DYNC2I2: variants seen among roughly 807,000 people sequenced by gnomAD.
The protein encoded by DYNC2I2 is dynein 2 intermediate chain 2.
Under a neutral mutation model 52.0 loss-of-function variants are expected in DYNC2I2, and 39 were observed. That is an observed-to-expected ratio of 0.75 (90% confidence interval 0.58 to 0.98). The LOEUF (loss-of-function observed/expected upper bound fraction) is 0.98. Among genes scored for constraint, DYNC2I2 ranks in the 50% least tolerant of loss-of-function variants. The pLI is 0.00. For synonymous variants in DYNC2I2, 359 were observed against 321.1 expected (o/e 1.12, Z -1.26); for missense variants, 743 against 728.4 (o/e 1.02, Z -0.23).
the DYNC2I2 span, among the ~76,000 whole-genome samples, chr9:128,665,719 G>A: frequency 4.1e-5 from 6 of 145,540 alleles, no homozygotes; most frequent in South Asian, 6.5e-4. Flanking sequence ...GCAGTGAGCC[G>A]AGATTGCACC....
At chr9:128,635,850 ACAGGGCCAGGGC>A in intron 4 of DYNC2I2, 83 bp from the exon 5 acceptor site, 1 of 1,340,718 alleles carries the variant, frequency 7.5e-7, no homozygotes, top group Non-Finnish European at 1.0e-6. Context: ...CAGCCCACCT[ACAGGGCCAGGGC>A]CAGGGCCAGG....
At chr9:128,641,710 T>C (rs945527824) in intron 1 of DYNC2I2, among the ~76,000 whole-genome samples, 7 of 151,942 alleles carry the variant, frequency 4.6e-5, no homozygotes, top group African/African-American at 1.7e-4. Flanking sequence ...ACTGCCACAC[T>C]CCCTCCTTCC....
rs1276931237 is a variant in DYNC2I2 at position 128,635,365 on chromosome 9, G to C, written c.814-106C>G. ...CTTCCAGGAAAAAAAAAAATTCTCC[G>C]GGAGGCCCCAGAACCAGGCTCACCC... On this transcript the variant is annotated intron_variant, in intron 5 of 8. Transcript: ENST00000372715. 7.2e-6 allele frequency: 10 copies of C among 1,381,382 alleles called. No homozygotes were observed. In the South Asian group the frequency reaches 1.2e-4, roughly 16 times the overall value. 85.6% of individuals were successfully genotyped at this position (1,381,382 alleles called of 1,614,324 possible). A position where few individuals can be genotyped will look rare whatever the true frequency, so the allele number is the denominator to read the frequency against.
At chr9:128,661,323 AC>A (rs1361624591), upstream of DYNC2I2, among the ~76,000 whole-genome samples, 14 of 148,456 alleles carry the variant, frequency 9.4e-5, no homozygotes, top group South Asian at 6.4e-4. Context: ...AAAAAAAAAA[AC>A]AAAAAGAAAA....
rs1179930252 is a variant in DYNC2I2, at chr9:128,636,389, T to C, written c.595A>G (p.Asn199Asp). ...GGACGCAGGTCTCGCCGGTCCAGGT[T>C]CCAGGCACACACGAAGGACTTAAGC... Reference protein sequence around the residue: ...STLKSFVCAWNLDRRDLRPQQ... With the variant: ...STLKSFVCAWDLDRRDLRPQQ... Residue 199 changes from asparagine (N) to aspartate (D), a missense_variant, in exon 4 of 9, where the codon AAC becomes GAC. Coordinates refer to ENST00000372715, the MANE Select transcript of DYNC2I2 (RefSeq NM_052844.4). The C allele has an allele frequency of 6.2e-7, 1 of 1,610,748 alleles. No homozygotes were observed. The highest frequency in any genetic ancestry group is 1.3e-5 in the African/African-American group (1 of 74,864).
At position 128,654,300 on chromosome 9, in the gene DYNC2I2, G is replaced by T. The variant is rs1210557461; in HGVS notation, c.186+2241C>A. ...TGGAAACCTCACTGGCCTTGGGGAG[G>T]ATTTGGGCTCTCTGCAGGTTCATGC... On this transcript the variant is annotated intron_variant, in intron 1 of 8. Transcript: ENST00000372715. Among the ~76,000 whole-genome samples, 4 of 152,110 alleles carry T rather than the reference G, an allele frequency of 2.6e-5. No homozygotes were observed. In the South Asian group the frequency reaches 8.3e-4, roughly 32 times the overall value.
At chr9:128,682,008 G>T in the DYNC2I2 span, among the ~76,000 whole-genome samples, 1 of 152,106 alleles carries the variant, frequency 6.6e-6, no homozygotes, top group Non-Finnish European at 1.5e-5. Flanking sequence ...GGAGGTGGAG[G>T]TTGCAGTGAG....
chr9:128,646,245 T>G (rs931031901), intron 1 of DYNC2I2, among the ~76,000 whole-genome samples: 2 of 152,242 alleles, frequency 1.3e-5, no homozygotes, highest in African/African-American at 4.8e-5. Context: ...AGACACAGTC[T>G]CACTCTGTCA....
At chr9:128,684,102 C>T in the DYNC2I2 span, 6 of 954,524 alleles carry the variant, frequency 6.3e-6, no homozygotes, top group Admixed American at 2.4e-5. Context: ...AGATGTGACC[C>T]CTAAGCACCC....
upstream of DYNC2I2, among the ~76,000 whole-genome samples, chr9:128,658,708 C>T (rs1242289906): frequency 3.4e-5 from 5 of 147,300 alleles, no homozygotes; most frequent in Non-Finnish European, 7.5e-5. Flanking sequence ...GGTGAGCCAC[C>T]TCACCTGACC....
chr9:128,639,074 G>A (rs1308426152), intron 2 of DYNC2I2, among the ~76,000 whole-genome samples: 1 of 151,830 alleles, frequency 6.6e-6, no homozygotes, highest in Non-Finnish European at 1.5e-5. Context: ...CTGAACTACA[G>A]CCTGGGCAAC....
Position 128,633,729 on chromosome 9 carries a change from G to GC in DYNC2I2, c.*14dup, listed in dbSNP as rs1564335861. On this transcript the variant is annotated 3_prime_UTR_variant, in exon 9 of 9. Coordinates refer to ENST00000372715, the MANE Select transcript of DYNC2I2 (RefSeq NM_052844.4). ...CTCGGCACAGCGAAGGCTTGCACCC[G>GC]CCTCCCGGGACCCCTCAGGCCGCCA... 6.2e-7 allele frequency: 1 copy of GC among 1,608,300 alleles called. No homozygotes were observed. Among genetic ancestry groups the GC allele is most frequent in the East Asian group, 2.2e-5 (1 of 44,818 alleles).
intron 1 of DYNC2I2, among the ~76,000 whole-genome samples, chr9:128,647,754 G>A (rs545769500): frequency 3.5e-5 from 5 of 141,882 alleles, no homozygotes; most frequent in Admixed American, 1.4e-4. Context: ...AAAAAAAAGC[G>A]TTCAGGGGAA....
At chr9:128,676,382 C>T in the DYNC2I2 span, among the ~76,000 whole-genome samples, 2 of 151,640 alleles carry the variant, frequency 1.3e-5, no homozygotes, top group South Asian at 2.1e-4. Flanking sequence ...CTCAGCTACT[C>T]GGGAGGCTGA....
intron 1 of DYNC2I2, among the ~76,000 whole-genome samples, chr9:128,642,612 T>C (rs1034023814): frequency 6.7e-6 from 1 of 150,334 alleles, no homozygotes; most frequent in Non-Finnish European, 1.5e-5. Flanking sequence ...CTACTAAAAA[T>C]ACAAAAAAAT....
At chr9:128,653,854 A>T (rs1860766773) in intron 1 of DYNC2I2, among the ~76,000 whole-genome samples, 1 of 152,058 alleles carries the variant, frequency 6.6e-6, no homozygotes, top group African/African-American at 2.4e-5. Context: ...TACTAAAAAT[A>T]CAAAAAATTG....
intron 1 of DYNC2I2, among the ~76,000 whole-genome samples, chr9:128,653,974 G>A (rs1225102171): frequency 6.6e-6 from 1 of 152,194 alleles, no homozygotes; most frequent in South Asian, 2.1e-4. Context: ...TTGCGCCACT[G>A]CACTCCAGCC....
At chr9:128,642,862 TA>T (rs1860544428) in intron 1 of DYNC2I2, among the ~76,000 whole-genome samples, 1 of 151,806 alleles carries the variant, frequency 6.6e-6, no homozygotes, top group Admixed American at 6.6e-5. Context: ...GGCGCTTACA[TA>T]GGGGTGGGGA....
At position 128,633,753 on chromosome 9, in the gene DYNC2I2, C is replaced by T; in HGVS notation, c.1602G>A (p.Val534=). ...CGCCTCCCGGGACCCCTCAGGCCGCCACCTCTGCTGCCAGGCAGTCCAGGT... is the reference window on the plus strand; with the variant it reads ...CGCCTCCCGGGACCCCTCAGGCCGCTACCTCTGCTGCCAGGCAGTCCAGGT... ...AEDLDCLAAE[V]AA is the part of the protein sequence containing the mutation. The change falls in exon 9 of 9, where the codon GTG becomes GTA. Residue 534 remains valine, a synonymous_variant. Transcript: ENST00000372715. 1 of 1,613,124 alleles carries T rather than the reference C, an allele frequency of 6.2e-7. No homozygotes were observed.
Sources: allele counts gnomAD v4.1 joint callset (sites outside exome capture counted in the v4.1 genomes callset), GRCh38; gene constraint gnomAD v4.1.1; transcripts MANE v1.5; gene names NCBI Gene and HGNC (gene_info 2026-07-23, HGNC 2026-07-21).